Variants in MSI2 observed in about 807,000 individuals in gnomAD.
MSI2 encodes the protein musashi RNA binding protein 2.
Under a neutral mutation model 45.6 loss-of-function variants are expected in MSI2, and 17 were observed. The observed-to-expected ratio is 0.37, with a 90% CI of 0.26 to 0.56. The LOEUF is 0.56. Ranked by LOEUF, MSI2 falls within the 20% of genes least tolerant of loss-of-function variation. MSI2 has a pLI of 0.77. For synonymous variants in MSI2, 156 were observed against 158.2 expected (o/e 0.99, Z 0.11); for missense variants, 293 against 444.2 (o/e 0.66, Z 3.06).
At chr17:57,635,660 C>T (rs970548501) in intron 10 of MSI2, among the ~76,000 whole-genome samples, 2 of 152,180 alleles carry the variant, frequency 1.3e-5, no homozygotes, top group Admixed American at 1.3e-4. Context: ...CAGCACAGCT[C>T]CCCAGGCAGG....
chr17:57,331,553 C>G (rs1412004205), intron 5 of MSI2, among the ~76,000 whole-genome samples: 1 of 152,192 alleles, frequency 6.6e-6, no homozygotes, highest in African/African-American at 2.4e-5. Context: ...CCTTCTGCCC[C>G]TCCTGAGCGA....
At chr17:57,619,395 AG>A (rs1207269036) in intron 9 of MSI2, among the ~76,000 whole-genome samples, 1 of 152,240 alleles carries the variant, frequency 6.6e-6, no homozygotes, top group African/African-American at 2.4e-5. Flanking sequence ...TGAATTGCAC[AG>A]ATGCCTGATG....
intron 5 of MSI2, among the ~76,000 whole-genome samples, chr17:57,373,643 G>A (rs186929177): frequency 6.6e-6 from 1 of 152,320 alleles, no homozygotes; most frequent in Admixed American, 6.5e-5. Flanking sequence ...AATACCTACT[G>A]TCTCTTCTGT....
At chr17:57,420,887 C>T (rs1198383446) in intron 6 of MSI2, among the ~76,000 whole-genome samples, 1 of 152,226 alleles carries the variant, frequency 6.6e-6, no homozygotes, top group African/African-American at 2.4e-5. Context: ...GCCTGCAGTT[C>T]AGGCGCAGAG....
intron 6 of MSI2, among the ~76,000 whole-genome samples, chr17:57,457,052 T>C (rs1204614290): frequency 6.6e-6 from 1 of 152,208 alleles, no homozygotes; most frequent in Non-Finnish European, 1.5e-5. Context: ...GTGGTCAGAC[T>C]GTTTATTGAT....
In MSI2 at chr17:57,627,413, A is replaced by T. The variant is rs1908910713; in HGVS notation, c.727+110A>T. 1.1e-6 allele frequency: 1 copy of T among 950,110 alleles called. No homozygotes were observed. The highest frequency in any genetic ancestry group is 1.7e-6 in the Non-Finnish European group (1 of 581,848). 58.9% of individuals were successfully genotyped at this position (950,110 alleles called of 1,614,324 possible). ...GCATTTCTTACATGCATCCACTTGA[A>T]AATGACCTATACATGATAAATTTCA... On this transcript the variant is annotated intron_variant, in intron 10 of 13. Coordinates refer to ENST00000284073, the MANE Select transcript of MSI2 (RefSeq NM_138962.4). This position sits in a 1 kb window ranked among gnomAD's most constrained non-coding sequence, Gnocchi z 4.6.
intron 6 of MSI2, among the ~76,000 whole-genome samples, chr17:57,527,062 T>TA (rs1007484305): frequency 7.9e-5 from 12 of 152,146 alleles, no homozygotes; most frequent in Admixed American, 5.2e-4. Flanking sequence ...AAATACGTTT[T>TA]AAAAAAAATC....
At chr17:57,460,193 A>T (rs2085199648) in intron 6 of MSI2, among the ~76,000 whole-genome samples, 1 of 151,718 alleles carries the variant, frequency 6.6e-6, no homozygotes, top group Non-Finnish European at 1.5e-5. Context: ...GCGTGGTGAC[A>T]CATGCCTGTA....
chr17:57,340,265 C>T (rs989559642), intron 5 of MSI2, among the ~76,000 whole-genome samples: 3 of 152,132 alleles, frequency 2.0e-5, no homozygotes, highest in African/African-American at 4.8e-5. Context: ...GGCCTCCAGA[C>T]GCACCTCCTC....
chr17:57,289,875 T>C (rs1232520262), intron 5 of MSI2, among the ~76,000 whole-genome samples: 1 of 152,262 alleles, frequency 6.6e-6, no homozygotes, highest in Non-Finnish European at 1.5e-5. Flanking sequence ...AACTGTGTGT[T>C]GCCGGCAAGT....
At chr17:57,630,656 T>G (rs1451347896) in intron 10 of MSI2, 1 of 152,232 alleles carries the variant, frequency 6.6e-6, no homozygotes, top group African/African-American at 2.4e-5. Context: ...GAGTGTTGGG[T>G]CTGTGCTTAT....
intron 5 of MSI2, among the ~76,000 whole-genome samples, chr17:57,318,435 CT>C (rs901629988): frequency 2.0e-5 from 3 of 152,170 alleles, no homozygotes; most frequent in African/African-American, 7.2e-5. Flanking sequence ...GAGGCTACCC[CT>C]GGGCTCTGGC....
At chr17:57,337,272 C>CTT (rs1914756778) in intron 5 of MSI2, among the ~76,000 whole-genome samples, 1 of 152,176 alleles carries the variant, frequency 6.6e-6, no homozygotes, top group Non-Finnish European at 1.5e-5. Flanking sequence ...CCCTTGTTTT[C>CTT]TTTTCCACGG....
At chr17:57,424,475 C>G (rs2084454783) in intron 6 of MSI2, among the ~76,000 whole-genome samples, 1 of 152,226 alleles carries the variant, frequency 6.6e-6, no homozygotes, top group South Asian at 2.1e-4. Flanking sequence ...TGCGGTTTCC[C>G]TCTTTCAGTC....
At chr17:57,543,655 T>C (rs1284385920) in intron 7 of MSI2, among the ~76,000 whole-genome samples, 1 of 152,238 alleles carries the variant, frequency 6.6e-6, no homozygotes, top group African/African-American at 2.4e-5. Context: ...ATGTATAAAC[T>C]ACTCTGGAAA....
intron 5 of MSI2, among the ~76,000 whole-genome samples, chr17:57,296,417 T>TGGAA (rs1910961071): frequency 6.6e-6 from 1 of 152,148 alleles, no homozygotes; most frequent in Non-Finnish European, 1.5e-5. Context: ...TGGCTGCTTA[T>TGGAA]GGAAGGTTAA....
chr17:57,442,368 A>G (rs2084816619), intron 6 of MSI2, among the ~76,000 whole-genome samples: 1 of 152,134 alleles, frequency 6.6e-6, no homozygotes, highest in South Asian at 2.1e-4. Context: ...TTCTAGAGAC[A>G]TTTGCCTTCT....
chr17:57,413,630 T>C (rs1286923244), intron 6 of MSI2, among the ~76,000 whole-genome samples: 2 of 152,042 alleles, frequency 1.3e-5, no homozygotes, highest in South Asian at 4.1e-4. Flanking sequence ...TTTTGCCTCC[T>C]GGGAGAGCTT....
At chr17:57,654,830 C>T (rs927494038) in intron 11 of MSI2, among the ~76,000 whole-genome samples, 11 of 152,094 alleles carry the variant, frequency 7.2e-5, no homozygotes, top group African/African-American at 2.4e-4. Context: ...TCCCCAGGGG[C>T]TCTCAGGCTT....
Sources: allele counts gnomAD v4.1 joint callset (sites outside exome capture counted in the v4.1 genomes callset), GRCh38; gene constraint gnomAD v4.1.1; non-coding constraint Gnocchi (gnomAD v3.1); transcripts MANE v1.5; gene names NCBI Gene and HGNC (gene_info 2026-07-23, HGNC 2026-07-21).